Variants in NDST4 observed in about 807,000 individuals in gnomAD.
NDST4 encodes N-deacetylase and N-sulfotransferase 4.
A neutral mutation model predicts 100.8 loss-of-function variants in NDST4; 63 were observed. The observed-to-expected ratio is 0.62, with a 90% confidence interval of 0.51 to 0.77. The LOEUF (loss-of-function observed/expected upper bound fraction) is 0.77. Ranked by LOEUF, NDST4 falls within the 30% of genes least tolerant of loss-of-function variation. The probability of loss-of-function intolerance (pLI) is 0.00; values close to 1 mark genes in which losing one functional copy is unlikely to be tolerated. For synonymous variants in NDST4, 377 were observed against 361.8 expected, an observed-to-expected ratio of 1.04 and a Z score of -0.48; for missense variants, 943 against 1,018.4, an observed-to-expected ratio of 0.93 and a Z score of 1.01.
intron 6 of NDST4, among the ~76,000 whole-genome samples, chr4:114,925,112 T>C (rs983384287): frequency 1.3e-5 from 2 of 152,134 alleles, no homozygotes; most frequent in African/African-American, 2.4e-5. Context: ...AATTGCTTTG[T>C]TCTCCATGGA....
intron 6 of NDST4, among the ~76,000 whole-genome samples, chr4:114,882,630 G>T (rs1352173985): frequency 1.3e-5 from 2 of 151,854 alleles, no homozygotes; most frequent in Admixed American, 6.6e-5. Context: ...GAACTGAGGG[G>T]CAATATCAAA....
chr4:114,914,751 G>A (rs1250580668), intron 6 of NDST4, among the ~76,000 whole-genome samples: 6 of 152,126 alleles, frequency 3.9e-5, no homozygotes, highest in Admixed American at 3.9e-4. Flanking sequence ...TTAAGCTGAG[G>A]TAGAAGGAAA....
At chr4:115,103,242 T>C (rs769759764) in intron 1 of NDST4, among the ~76,000 whole-genome samples, 1 of 152,070 alleles carries the variant, frequency 6.6e-6, no homozygotes, top group African/African-American at 2.4e-5. Context: ...AAATCTATAA[T>C]ACAAAAAGCT....
At position 114,991,914 on chromosome 4, in the gene NDST4, T is replaced by C. The variant is rs1368381533; in HGVS notation, c.979-14640A>G. Among the ~76,000 whole-genome samples, 5 of 152,044 alleles carry C rather than the reference T, an allele frequency of 3.3e-5. 1 individual carries two copies. Among genetic ancestry groups the C allele is most frequent in the Non-Finnish European group, 7.4e-5 (5 of 67,914 alleles). The stretch of plus-strand genomic sequence containing the variant: ...TTTTTATTTGTACATATGCCTTCAA[T>C]AACTTTAATGTGTGAGATCTGGCAT... On this transcript the variant is annotated intron_variant, in intron 2 of 13. Transcript: ENST00000264363.
chr4:114,878,332 C>A (rs1447707680), intron 6 of NDST4, among the ~76,000 whole-genome samples: 1 of 152,138 alleles, frequency 6.6e-6, no homozygotes, highest in Admixed American at 6.6e-5. Flanking sequence ...ACATCCCATA[C>A]CCTTGACTGT....
chr4:115,103,955 A>G (rs1729787410), intron 1 of NDST4, among the ~76,000 whole-genome samples: 2 of 152,180 alleles, frequency 1.3e-5, no homozygotes, highest in Non-Finnish European at 2.9e-5. Flanking sequence ...ATACTTGATG[A>G]CTGGCATCTA....
In NDST4 at chr4:114,828,380, A is replaced by G. The variant is rs561353616; in HGVS notation, c.2500-445T>C. On this transcript the variant is annotated intron_variant, in intron 13 of 13. Transcript: ENST00000264363. Reference sequence around the variant, plus strand: ...ATAATCATAAAAACTAAAATTCACTATTACAAATAATAACTTGCAATATTA... The same window carrying G: ...ATAATCATAAAAACTAAAATTCACTGTTACAAATAATAACTTGCAATATTA... Among the ~76,000 whole-genome samples, 4 of 152,284 alleles carry G rather than the reference A, an allele frequency of 2.6e-5. No homozygotes were observed. The South Asian group carries it at 6.2e-4, about 24-fold the overall frequency.
intron 2 of NDST4, among the ~76,000 whole-genome samples, chr4:115,047,129 T>A (rs569537715): frequency 1.3e-5 from 2 of 152,252 alleles, no homozygotes; most frequent in Admixed American, 1.3e-4. Context: ...GTAAGATGGG[T>A]AAAACTTATT....
intron 5 of NDST4, 21 bp downstream of exon 5, chr4:114,937,297 T>C: frequency 1.2e-6 from 2 of 1,612,874 alleles, no homozygotes; most frequent in South Asian, 1.1e-5. Flanking sequence ...TCCTTCAATA[T>C]ACATGGCTCT....
chr4:115,026,664 C>T (rs78715364), intron 2 of NDST4, among the ~76,000 whole-genome samples: 1 of 147,832 alleles, frequency 6.8e-6, no homozygotes, highest in South Asian at 2.1e-4. Context: ...AACATTTCCC[C>T]ATCATTTTTC....
At chr4:115,029,587 T>A (rs542556186) in intron 2 of NDST4, among the ~76,000 whole-genome samples, 40 of 152,204 alleles carry the variant, frequency 2.6e-4, no homozygotes, top group Non-Finnish European at 4.7e-4. Context: ...TAAGCCTAAC[T>A]TTTTTTAGTT....
intron 4 of NDST4, among the ~76,000 whole-genome samples, chr4:114,961,438 T>C (rs1014019505): frequency 4.6e-5 from 7 of 151,786 alleles, no homozygotes; most frequent in Non-Finnish European, 8.8e-5. Flanking sequence ...ATCAACTAAA[T>C]TGGAAAAACT....
At chr4:115,090,017 C>A (rs571943127) in intron 1 of NDST4, among the ~76,000 whole-genome samples, 2 of 151,836 alleles carry the variant, frequency 1.3e-5, no homozygotes, top group East Asian at 3.9e-4. Context: ...TCTTCACCAA[C>A]TTTAAGTGTA....
At chr4:115,056,226 C>A (rs1728690942) in intron 2 of NDST4, among the ~76,000 whole-genome samples, 1 of 151,950 alleles carries the variant, frequency 6.6e-6, no homozygotes, top group Non-Finnish European at 1.5e-5. Flanking sequence ...ATGGCTCATG[C>A]CTGTAGTCCC....
At position 114,935,343 on chromosome 4, in the gene NDST4, A is replaced by G; in HGVS notation, c.1408-9T>C. The G allele has an allele frequency of 6.4e-7, 1 of 1,559,296 alleles. No homozygotes were observed. The highest frequency in any genetic ancestry group is 8.7e-7 in the Non-Finnish European group (1 of 1,153,554). On this transcript the variant is annotated splice_polypyrimidine_tract_variant and intron_variant, in intron 5 of 13. Coordinates refer to ENST00000264363, the MANE Select transcript of NDST4 (RefSeq NM_022569.3). ...GTCTGTCGAGGGAGGACCTGAGTAA[A>G]AAAGGGGAAAAACAGCACATGGACG...
chr4:114,838,322 T>A (rs561322094), intron 11 of NDST4, among the ~76,000 whole-genome samples: 1 of 152,340 alleles, frequency 6.6e-6, no homozygotes, highest in South Asian at 2.1e-4. Context: ...TTACTGGGTA[T>A]ATACCCAAAA....
At chr4:114,961,739 A>G (rs1726267938) in intron 4 of NDST4, among the ~76,000 whole-genome samples, 1 of 152,092 alleles carries the variant, frequency 6.6e-6, no homozygotes, top group African/African-American at 2.4e-5. Flanking sequence ...GGTGACTTCT[A>G]CCAAACATAC....
chr4:115,012,207 T>C (rs80269782), intron 2 of NDST4, among the ~76,000 whole-genome samples: 10,082 of 152,060 alleles, frequency 0.066, 1,086 homozygotes, highest in African/African-American at 0.22. Flanking sequence ...ATCAATTTTA[T>C]AACCTAGATA....
chr4:114,956,646 C>A (rs969873060), intron 4 of NDST4, among the ~76,000 whole-genome samples: 1 of 152,090 alleles, frequency 6.6e-6, no homozygotes, highest in Non-Finnish European at 1.5e-5. Context: ...GACAGCTTAA[C>A]AAAAACATCA....
Sources: allele counts gnomAD v4.1 joint callset (sites outside exome capture counted in the v4.1 genomes callset), GRCh38; gene constraint gnomAD v4.1.1; transcripts MANE v1.5; gene names NCBI Gene and HGNC (gene_info 2026-07-23, HGNC 2026-07-21).